The following MYO1D variants were observed in gnomAD, a reference collection of about 807,000 sequenced individuals.
The protein encoded by MYO1D is myosin ID, also known as unconventional myosin-Id.
In MYO1D, 83 loss-of-function variants were observed where a neutral mutation model predicts 122.0. That is an observed-to-expected ratio of 0.68 (90% CI 0.57 to 0.82). The LOEUF is 0.82. MYO1D is among the 40% of genes least tolerant of loss of function. The pLI is 0.00. For missense variants in MYO1D, 1,157 were observed against 1,269.5 expected, an observed-to-expected ratio of 0.91 and a Z score of 1.35; for synonymous variants, 464 against 446.9, an observed-to-expected ratio of 1.04 and a Z score of -0.48.
At chr17:32,848,534 A>C (rs1252833661) in intron 1 of MYO1D, among the ~76,000 whole-genome samples, 3 of 152,214 alleles carry the variant, frequency 2.0e-5, no homozygotes, top group Non-Finnish European at 4.4e-5. Flanking sequence ...GTTCTGTGGT[A>C]GTCAAGTCTC....
intron 15 of MYO1D, among the ~76,000 whole-genome samples, chr17:32,715,220 T>G (rs2089428495): frequency 6.6e-6 from 1 of 152,198 alleles, no homozygotes; most frequent in Non-Finnish European, 1.5e-5. Context: ...GGTGGGAATG[T>G]AAATTAGTTC....
At chr17:32,703,293 T>C (rs1183073725) in intron 16 of MYO1D, among the ~76,000 whole-genome samples, 3 of 152,120 alleles carry the variant, frequency 2.0e-5, no homozygotes, top group Non-Finnish European at 2.9e-5. Flanking sequence ...CCTATTTGTG[T>C]TATAGGTGGG....
chr17:32,649,567 CTTTTTTTT>C (rs35514290), intron 19 of MYO1D, among the ~76,000 whole-genome samples: 1 of 94,082 alleles, frequency 1.1e-5, no homozygotes, highest in East Asian at 2.6e-4. Context: ...TTCTTTCTTT[CTTTTTTTT>C]TTTTTTTTTT....
At chr17:32,690,272 C>A (rs9901021) in intron 16 of MYO1D, among the ~76,000 whole-genome samples, 1 of 150,096 alleles carries the variant, frequency 6.7e-6, no homozygotes. Context: ...ACCTCCCGGG[C>A]TCAAGCAATT....
At chr17:32,633,072 TA>T (rs2088043824) in intron 20 of MYO1D, among the ~76,000 whole-genome samples, 1 of 151,650 alleles carries the variant, frequency 6.6e-6, no homozygotes, top group Non-Finnish European at 1.5e-5. Flanking sequence ...ACAAAATAAT[TA>T]AAACTGAACA....
chr17:32,869,290 T>C (rs374854040), intron 1 of MYO1D, among the ~76,000 whole-genome samples: 3 of 151,770 alleles, frequency 2.0e-5, no homozygotes, highest in South Asian at 2.1e-4. Context: ...CTACAGGAAA[T>C]AAAACTGTCA....
intron 14 of MYO1D, among the ~76,000 whole-genome samples, chr17:32,729,726 A>G (rs761832545): frequency 7.9e-5 from 12 of 152,162 alleles, no homozygotes; most frequent in Non-Finnish European, 1.6e-4. Context: ...TCTGGCTTTC[A>G]TGGGACTTGG....
intron 14 of MYO1D, among the ~76,000 whole-genome samples, chr17:32,732,674 T>G (rs1035320022): frequency 3.3e-5 from 5 of 152,204 alleles, no homozygotes; most frequent in African/African-American, 1.2e-4. Context: ...TCTATTTGTA[T>G]GCATACCTCA....
intron 16 of MYO1D, among the ~76,000 whole-genome samples, chr17:32,679,576 G>A: frequency 6.6e-6 from 1 of 152,128 alleles, no homozygotes; most frequent in Non-Finnish European, 1.5e-5. Flanking sequence ...TTGTAGGTAT[G>A]TGGCGTTATT....
intron 1 of MYO1D, among the ~76,000 whole-genome samples, chr17:32,827,840 C>T (rs969935307): frequency 6.6e-6 from 1 of 152,124 alleles, no homozygotes; most frequent in Non-Finnish European, 1.5e-5. Context: ...CCAGCTCTCA[C>T]TTAAGCAGAA....
At chr17:32,586,967 G>A (rs369357938) in intron 21 of MYO1D, among the ~76,000 whole-genome samples, 3 of 152,014 alleles carry the variant, frequency 2.0e-5, no homozygotes, top group Non-Finnish European at 2.9e-5. Context: ...CTTGTTCTTC[G>A]TTTCAAAAAC....
intron 21 of MYO1D, among the ~76,000 whole-genome samples, chr17:32,560,066 C>T (rs2087104160): frequency 6.6e-6 from 1 of 152,056 alleles, no homozygotes; most frequent in Non-Finnish European, 1.5e-5. Flanking sequence ...ACCAGCCTGA[C>T]CAACATGGTG....
intron 21 of MYO1D, among the ~76,000 whole-genome samples, chr17:32,590,985 A>G (rs2087433524): frequency 6.6e-6 from 1 of 152,276 alleles, no homozygotes; most frequent in Admixed American, 6.5e-5. Context: ...CTCTTTCAAC[A>G]TAAAAGACAA....
chr17:32,690,375 G>C (rs527326388), intron 16 of MYO1D, among the ~76,000 whole-genome samples: 1 of 151,974 alleles, frequency 6.6e-6, no homozygotes. Flanking sequence ...GGGTTTCACT[G>C]TGTTGCCCAG....
At chr17:32,539,031 C>T (rs1429670669) in intron 21 of MYO1D, among the ~76,000 whole-genome samples, 1 of 147,764 alleles carries the variant, frequency 6.8e-6, no homozygotes, top group African/African-American at 2.4e-5. Context: ...GATAGGTTGA[C>T]TGGTGCAGCA....
At chr17:32,807,687 G>A (rs1567651734) in intron 1 of MYO1D, among the ~76,000 whole-genome samples, 2 of 152,220 alleles carry the variant, frequency 1.3e-5, no homozygotes, top group African/African-American at 4.8e-5. Context: ...TTTGGTGACT[G>A]AGGAACCTCT....
chr17:32,502,713 G>T (rs894479352), intron 21 of MYO1D, among the ~76,000 whole-genome samples: 1 of 152,196 alleles, frequency 6.6e-6, no homozygotes, highest in African/African-American at 2.4e-5. Context: ...GCAGAGAAAG[G>T]CCTGGGCAGG....
intron 1 of MYO1D, among the ~76,000 whole-genome samples, chr17:32,861,194 G>GAGT (rs35089597): frequency 0.46 from 69,347 of 150,616 alleles, 16,000 homozygotes; most frequent in East Asian, 0.53. Flanking sequence ...TCAGCCTCCC[G>GAGT]AGCTGGGACT....
rs184986929 is a variant in MYO1D at position 32,735,638 on chromosome 17, G to A, written c.1746+2615C>T. Among the ~76,000 whole-genome samples, 92 of 151,706 alleles carry A rather than the reference G, an allele frequency of 6.1e-4. No individual in the cohort carries two copies. The Middle Eastern group carries it at 0.01, about 17-fold the overall frequency. Reference sequence around the variant, plus strand: ...TATCATTTATCTTTCTGACAGCACTGGTTTAAAATCTCCCACTATGATGGT... The same window carrying A: ...TATCATTTATCTTTCTGACAGCACTAGTTTAAAATCTCCCACTATGATGGT... On this transcript the variant is annotated intron_variant, in intron 14 of 21. Transcript: ENST00000318217.
Sources: gnomAD v4.1 joint callset for allele counts (sites outside exome capture counted in the v4.1 genomes callset) on GRCh38, gnomAD v4.1.1 for gene constraint, MANE v1.5 for transcripts, NCBI Gene and HGNC (gene_info 2026-07-23, HGNC 2026-07-21) for gene names.